SSBP2: variants seen among roughly 807,000 people sequenced by gnomAD.
SSBP2 encodes the protein single-stranded DNA-binding protein 2.
SSBP2 carries 17 observed loss-of-function variants against 61.8 expected under a neutral mutation model. The observed-to-expected ratio is 0.28, with a 90% CI of 0.19 to 0.41. The LOEUF (loss-of-function observed/expected upper bound fraction) is 0.41, where lower values mean the gene tolerates loss of function less well. Ranked by LOEUF, SSBP2 falls within the 10% of genes least tolerant of loss-of-function variation. SSBP2 has a pLI of 1.00. For synonymous variants in SSBP2, 139 were observed against 141.3 expected, an observed-to-expected ratio of 0.98 and a Z score of 0.12; for missense variants, 310 against 458.7, an observed-to-expected ratio of 0.68 and a Z score of 2.96.
chr5:81,690,750 T>G (rs1038178923), intron 1 of SSBP2, among the ~76,000 whole-genome samples: 1 of 152,088 alleles, frequency 6.6e-6, no homozygotes, highest in Non-Finnish European at 1.5e-5. Flanking sequence ...GAACACTTCA[T>G]CCAATAGCTG....
intron 4 of SSBP2, among the ~76,000 whole-genome samples, chr5:81,598,282 T>A (rs761243785): frequency 6.6e-6 from 1 of 152,198 alleles, no homozygotes; most frequent in Non-Finnish European, 1.5e-5. Flanking sequence ...ACAAACTTCT[T>A]ATAAAATTTG....
At chr5:81,484,672 T>C (rs1171859787) in intron 6 of SSBP2, among the ~76,000 whole-genome samples, 4 of 152,172 alleles carry the variant, frequency 2.6e-5, no homozygotes, top group African/African-American at 4.8e-5. Flanking sequence ...CACTAACATA[T>C]TAAACAGATA....
At chr5:81,462,213 A>C (rs1204745975) in intron 9 of SSBP2, among the ~76,000 whole-genome samples, 1 of 152,222 alleles carries the variant, frequency 6.6e-6, no homozygotes, top group Non-Finnish European at 1.5e-5. Flanking sequence ...ATGTTTTAAG[A>C]AAGTTTACAA....
rs372934704 is a variant in SSBP2 at position 81,724,185 on chromosome 5, C to G, written c.62+26796G>C. On this transcript the variant is annotated intron_variant, in intron 1 of 16. Coordinates refer to ENST00000320672, the MANE Select transcript of SSBP2 (RefSeq NM_012446.5). ...AAGTGTGTTGAGGTATGCAAAAAAT[C>G]TTACTGAAATTTTTACTGTGGTTGC... Among the ~76,000 whole-genome samples the G allele has an allele frequency of 1.0e-3, 158 of 152,068 alleles. 3 individuals carry two copies. The South Asian group carries it at 0.032, about 31-fold the overall frequency.
Position 81,484,888 on chromosome 5 carries a change from A to C in SSBP2, c.432+4362T>G, listed in dbSNP as rs1337342139. Among the ~76,000 whole-genome samples the C allele has an allele frequency of 1.2e-4, 19 of 152,182 alleles. 1 individual carries two copies. Reference sequence around the variant, plus strand: ...GTACAAAATGGGCAACAGAATTAACAATGTTTTTCATTCCATATATCTGTT... The same window carrying C: ...GTACAAAATGGGCAACAGAATTAACCATGTTTTTCATTCCATATATCTGTT... On this transcript the variant is annotated intron_variant, in intron 6 of 16. Transcript: ENST00000320672.
chr5:81,589,130 C>T (rs72773051), intron 4 of SSBP2, among the ~76,000 whole-genome samples: 1 of 152,062 alleles, frequency 6.6e-6, no homozygotes, highest in East Asian at 1.9e-4. Context: ...AACGTACTTA[C>T]TAGAAACAAA....
intron 4 of SSBP2, among the ~76,000 whole-genome samples, chr5:81,519,168 T>C (rs953665614): frequency 2.0e-5 from 3 of 152,172 alleles, no homozygotes; most frequent in Admixed American, 6.5e-5. Context: ...GTTTCTATAA[T>C]ATGGTATTTA....
intron 4 of SSBP2, among the ~76,000 whole-genome samples, chr5:81,521,749 T>G (rs1449275265): frequency 6.6e-6 from 1 of 152,042 alleles, no homozygotes. Context: ...CTTAGTTTCT[T>G]TTTTGTTGTA....
intron 1 of SSBP2, among the ~76,000 whole-genome samples, chr5:81,733,017 T>C (rs1756368651): frequency 6.6e-6 from 1 of 152,196 alleles, no homozygotes; most frequent in Admixed American, 6.5e-5. Context: ...TCTTAGAAAG[T>C]AATTCAAAGT....
At chr5:81,450,161 G>T (rs528924867) in intron 10 of SSBP2, among the ~76,000 whole-genome samples, 2 of 152,230 alleles carry the variant, frequency 1.3e-5, no homozygotes, top group South Asian at 2.1e-4. Context: ...CCCACAAGTA[G>T]CTGGGACTAA....
At chr5:81,721,997 A>AT (rs2153971765) in intron 1 of SSBP2, among the ~76,000 whole-genome samples, 1 of 151,104 alleles carries the variant, frequency 6.6e-6, no homozygotes, top group East Asian at 2.0e-4. Flanking sequence ...CACAGAAAAA[A>AT]CAAAAAAAAA....
At chr5:81,735,991 A>G (rs1361452424) in intron 1 of SSBP2, among the ~76,000 whole-genome samples, 1 of 152,212 alleles carries the variant, frequency 6.6e-6, no homozygotes. Context: ...AGTTGGTAGA[A>G]AACAAACTCG....
At chr5:81,733,063 T>A (rs750628371) in intron 1 of SSBP2, among the ~76,000 whole-genome samples, 1 of 152,212 alleles carries the variant, frequency 6.6e-6, no homozygotes, top group Non-Finnish European at 1.5e-5. Flanking sequence ...TTCAAAAGAT[T>A]TAAAGTTCTA....
intron 1 of SSBP2, among the ~76,000 whole-genome samples, chr5:81,735,190 T>C (rs1340501936): frequency 6.6e-6 from 1 of 152,142 alleles, no homozygotes; most frequent in Non-Finnish European, 1.5e-5. Flanking sequence ...ATTTATTGTA[T>C]CTTTGATAAC....
chr5:81,622,070 A>G (rs1269800800), intron 3 of SSBP2, among the ~76,000 whole-genome samples: 1 of 149,920 alleles, frequency 6.7e-6, no homozygotes, highest in East Asian at 2.0e-4. Context: ...ACTAACCTGC[A>G]CAATGTGCAC....
intron 1 of SSBP2, among the ~76,000 whole-genome samples, chr5:81,740,383 G>A (rs1184817137): frequency 6.7e-6 from 1 of 149,972 alleles, no homozygotes; most frequent in Non-Finnish European, 1.5e-5. Context: ...TACTGATAAT[G>A]TATAATCATC....
At chr5:81,541,330 A>C (rs564979191) in intron 4 of SSBP2, among the ~76,000 whole-genome samples, 1 of 152,336 alleles carries the variant, frequency 6.6e-6, no homozygotes, top group Non-Finnish European at 1.5e-5. Context: ...ATATTATTAA[A>C]ATGGCGATAC....
chr5:81,507,242 A>C lies in SSBP2; in HGVS notation c.372+6386T>G, dbSNP rs184470195. ...AACCTGCTGTCACATATTTTCTACT[A>C]TATCAGAGTTTCATTCTACTTAGAT... On this transcript the variant is annotated intron_variant, in intron 5 of 16. Transcript: ENST00000320672. 2.7e-3 allele frequency among the ~76,000 whole-genome samples: 411 copies of C among 152,304 alleles called. 5 individuals carry two copies. The highest frequency in any genetic ancestry group is 6.4e-3 in the East Asian group (33 of 5,188).
chr5:81,614,285 G>A (rs1398451101), intron 4 of SSBP2, among the ~76,000 whole-genome samples: 4 of 149,742 alleles, frequency 2.7e-5, no homozygotes, highest in African/African-American at 4.9e-5. Flanking sequence ...GCGTGAACCC[G>A]GGAGGCGGAG....
Sources: allele counts gnomAD v4.1 joint callset (sites outside exome capture counted in the v4.1 genomes callset), GRCh38; gene constraint gnomAD v4.1.1; transcripts MANE v1.5; gene names NCBI Gene and HGNC (gene_info 2026-07-23, HGNC 2026-07-21).